TRPM6: variants seen among roughly 807,000 people sequenced by gnomAD.
The protein encoded by TRPM6 is transient receptor potential cation channel subfamily M member 6.
A neutral mutation model predicts 247.6 loss-of-function variants in TRPM6; 111 were observed. The observed-to-expected ratio is 0.45, with a 90% CI of 0.38 to 0.52. TRPM6 has a LOEUF of 0.52. Ranked by LOEUF, TRPM6 falls within the 20% of genes least tolerant of loss-of-function variation. The pLI is 0.00. For missense variants in TRPM6, 2,126 were observed against 2,421.5 expected (o/e 0.88, Z 2.56); for synonymous variants, 892 against 853.8 (o/e 1.04, Z -0.78).
At chr9:74,785,055 C>T (rs768019754) in intron 21 of TRPM6, among the ~76,000 whole-genome samples, 11 of 151,884 alleles carry the variant, frequency 7.2e-5, no homozygotes, top group Middle Eastern at 3.2e-3. Context: ...TGCAGTGAGC[C>T]GTGATCGCAC....
At chr9:74,747,349 A>C (rs1444663792) in intron 31 of TRPM6, among the ~76,000 whole-genome samples, 1 of 152,230 alleles carries the variant, frequency 6.6e-6, no homozygotes, top group Non-Finnish European at 1.5e-5. Flanking sequence ...AGAAAGTGTG[A>C]TGGAACAAGA....
chr9:74,741,908 A>G (rs1231056323), intron 33 of TRPM6, among the ~76,000 whole-genome samples: 1 of 152,010 alleles, frequency 6.6e-6, no homozygotes, highest in Non-Finnish European at 1.5e-5. Context: ...AAATAAAAAT[A>G]AAAATAAATA....
intron 18 of TRPM6, among the ~76,000 whole-genome samples, chr9:74,793,409 G>A (rs949230409): frequency 7.9e-5 from 12 of 151,964 alleles, no homozygotes; most frequent in African/African-American, 1.5e-4. Context: ...GTGCAATGGC[G>A]TGGTCTCGGC....
rs751328370 is a variant in TRPM6, at chr9:74,816,633, A to G, written c.1308+36T>C. The G allele has an allele frequency of 8.3e-6, 13 of 1,565,078 alleles. No homozygotes were observed. In the Admixed American group the frequency reaches 1.7e-4, roughly 20 times the overall value. ...CCCCTTCCTAACAGACCATCACACA[A>G]AATATTTTTTCCGAATAACTTCATT... On this transcript the variant is annotated intron_variant, in intron 11 of 38. Coordinates refer to ENST00000360774, the MANE Select transcript of TRPM6 (RefSeq NM_017662.5).
At chr9:74,781,218 G>A (rs1827430742) in intron 23 of TRPM6, among the ~76,000 whole-genome samples, 1 of 152,020 alleles carries the variant, frequency 6.6e-6, no homozygotes, top group Non-Finnish European at 1.5e-5. Flanking sequence ...AAAGAAGATT[G>A]AGAAGTAGTG....
At position 74,874,241 on chromosome 9, in the gene TRPM6, C is replaced by CAA. The variant is rs55659846; in HGVS notation, c.33+13581_33+13582dup. ...ACAGAGTGAGAATCTGTCTTAAAAA[C>CAA]AAAAAAAAAAAAAAAACAAGAATTA... is the stretch of plus-strand genomic sequence containing the variant. On this transcript the variant is annotated intron_variant, in intron 1 of 38. Coordinates refer to ENST00000360774, the MANE Select transcript of TRPM6 (RefSeq NM_017662.5). 8.0e-5 allele frequency among the ~76,000 whole-genome samples: 11 copies of CAA among 137,268 alleles called. No homozygotes were observed. The East Asian group carries it at 8.7e-4, about 11-fold the overall frequency. The allele number at this position is 137,268 out of a possible 152,430, so 90.1% of individuals were successfully genotyped here.
intron 1 of TRPM6, among the ~76,000 whole-genome samples, chr9:74,876,992 T>C (rs1161244881): frequency 3.3e-5 from 5 of 152,176 alleles, no homozygotes; most frequent in Non-Finnish European, 7.3e-5. Flanking sequence ...GAAAAGATGC[T>C]CAAAATCATT....
chr9:74,860,199 T>C (rs1830653792), intron 1 of TRPM6, among the ~76,000 whole-genome samples: 3 of 152,180 alleles, frequency 2.0e-5, no homozygotes, highest in Non-Finnish European at 2.9e-5. Context: ...GCCAGAGTCA[T>C]CTTAAATCAT....
In TRPM6 at chr9:74,739,352, C is replaced by T. The variant is rs1825788625; in HGVS notation, c.5570+15G>A. 1.9e-6 allele frequency: 3 copies of T among 1,612,314 alleles called. No homozygotes were observed. The highest frequency in any genetic ancestry group is 2.5e-6 in the Non-Finnish European group (3 of 1,178,554). On this transcript the variant is annotated intron_variant, in intron 35 of 38. Coordinates refer to ENST00000360774, the MANE Select transcript of TRPM6 (RefSeq NM_017662.5). ...CTACTTGAAACAAAGGGCCAAGGTG[C>T]CAAGATTTTCTTACCTTGGTGTGTA...
At chr9:74,739,689 C>T in intron 34 of TRPM6, 34 bp downstream of exon 34, 2 of 1,607,718 alleles carry the variant, frequency 1.2e-6, no homozygotes, top group Non-Finnish European at 1.7e-6. Context: ...TGACTTGTCC[C>T]TCTGGGCTAT....
intron 10 of TRPM6, 32 bp from the exon 11 acceptor site, chr9:74,816,801 C>A (rs751942614): frequency 6.2e-7 from 1 of 1,612,326 alleles, no homozygotes; most frequent in Non-Finnish European, 8.5e-7. Context: ...ATCATATATT[C>A]TTTTCAAGAT....
chr9:74,835,886 C>G (rs77075084), intron 5 of TRPM6, among the ~76,000 whole-genome samples: 2,037 of 152,148 alleles, frequency 0.013, 54 homozygotes, highest in African/African-American at 0.047. Flanking sequence ...ACAAACACAG[C>G]CTCCCCGACT....
chr9:74,849,625 T>G (rs1830230728), intron 3 of TRPM6, among the ~76,000 whole-genome samples: 1 of 152,192 alleles, frequency 6.6e-6, no homozygotes, highest in South Asian at 2.1e-4. Context: ...TTGTGGTATT[T>G]TGTTATGGTA....
chr9:74,801,746 A>C, intron 16 of TRPM6, 152 bp downstream of exon 16: 1 of 947,776 alleles, frequency 1.1e-6, no homozygotes, highest in South Asian at 1.5e-5. Flanking sequence ...AAAGCTCCTT[A>C]GAATACCTGA....
intron 2 of TRPM6, among the ~76,000 whole-genome samples, chr9:74,856,049 G>A (rs916343888): frequency 6.6e-6 from 1 of 152,052 alleles, no homozygotes; most frequent in African/African-American, 2.4e-5. Flanking sequence ...TCAAATAAGG[G>A]ACATTTGGTA....
intron 1 of TRPM6, among the ~76,000 whole-genome samples, chr9:74,870,981 C>A (rs1831009644): frequency 6.6e-6 from 1 of 151,838 alleles, no homozygotes. Context: ...ATAGGCATTC[C>A]ACTTCTATTT....
chr9:74,771,103 G>T (rs1405697409), intron 25 of TRPM6, among the ~76,000 whole-genome samples: 1 of 152,142 alleles, frequency 6.6e-6, no homozygotes, highest in African/African-American at 2.4e-5. Flanking sequence ...TGTGGCCTCA[G>T]GCGGCTGCGC....
chr9:74,746,058 C>T (rs543886903), intron 31 of TRPM6, among the ~76,000 whole-genome samples: 28 of 152,120 alleles, frequency 1.8e-4, no homozygotes, highest in African/African-American at 6.3e-4. Context: ...CTGGCTAACA[C>T]GGTGAAACCC....
At chr9:74,738,341 G>T in intron 36 of TRPM6, 66 bp downstream of exon 36, 2 of 1,562,606 alleles carry the variant, frequency 1.3e-6, no homozygotes, top group Non-Finnish European at 1.8e-6. Flanking sequence ...ACCCATCCTG[G>T]TTCTTGCAAG....
Sources: allele counts gnomAD v4.1 joint callset (sites outside exome capture counted in the v4.1 genomes callset), GRCh38; gene constraint gnomAD v4.1.1; transcripts MANE v1.5; gene names NCBI Gene and HGNC (gene_info 2026-07-23, HGNC 2026-07-21).